ATP7A: variants seen among roughly 807,000 people sequenced by gnomAD.
ATP7A encodes ATPase copper transporting alpha.
In ATP7A, 7 loss-of-function variants were observed where a neutral mutation model predicts 83.5. The ratio of observed to expected loss-of-function variants is 0.08; its 90% CI spans 0.05 to 0.16. The LOEUF (loss-of-function observed/expected upper bound fraction) is 0.16, where lower values mean the gene tolerates loss of function less well. Among genes scored for constraint, ATP7A ranks in the 10% least tolerant of loss-of-function variants. The pLI is 1.00. For synonymous variants in ATP7A, 354 were observed against 395.2 expected, an observed-to-expected ratio of 0.90 and a Z score of 1.24; for missense variants, 940 against 1,120.8, an observed-to-expected ratio of 0.84 and a Z score of 2.30.
In ATP7A at chrX:78,014,732, A is replaced by C. The variant is rs782142478; in HGVS notation, c.2477A>C (p.Asp826Ala). Residue 826 changes from aspartate (D) to alanine (A), a missense_variant, in exon 11 of 23, where the codon GAT becomes GCT. This residue lies in a region of ATP7A where 204 missense variants were observed against 185.8 expected (regional missense o/e 1.10). Coordinates refer to ENST00000341514, the MANE Select transcript of ATP7A (RefSeq NM_000052.7). The stretch of plus-strand genomic sequence containing the variant: ...ACAGAAGCAACTATTGTAACTCTTG[A>C]TTCTGATAATATCCTCCTCAGGTAT... ...QATEATIVTL[D>A]SDNILLSEEQ... 8.3e-7 allele frequency: 1 copy of C among 1,199,505 alleles called. No individual in the cohort carries two copies. The highest frequency in any genetic ancestry group is 1.1e-6 in the Non-Finnish European group (1 of 885,128).
At chrX:77,983,110 C>T (rs1367554657) in intron 2 of ATP7A, among the ~76,000 whole-genome samples, 1 of 111,566 alleles carries the variant, frequency 9.0e-6, no homozygotes, top group Admixed American at 9.6e-5. Flanking sequence ...ACCTAATCAC[C>T]TCTCAAAGGC....
chrX:77,955,303 AT>A (rs1473558635), intron 1 of ATP7A, among the ~76,000 whole-genome samples: 2 of 111,342 alleles, frequency 1.8e-5, no homozygotes, highest in African/African-American at 6.5e-5. Context: ...ATTCATAAGC[AT>A]TGTTTTCTTT....
At chrX:78,029,483 C>A (rs372593597) in intron 15 of ATP7A, 39 bp downstream of exon 15, 31 of 1,121,048 alleles carry the variant, frequency 2.8e-5, no homozygotes, top group Non-Finnish European at 3.7e-5. Flanking sequence ...TACCACCAAA[C>A]TATCAATAGC....
At chrX:77,914,564 T>G (rs2077175707) in intron 1 of ATP7A, among the ~76,000 whole-genome samples, 1 of 110,951 alleles carries the variant, frequency 9.0e-6, no homozygotes, top group African/African-American at 3.3e-5. Context: ...CACACTTGGT[T>G]AGTTTTTGTA....
intron 1 of ATP7A, among the ~76,000 whole-genome samples, chrX:77,931,594 G>A (rs1410596421): frequency 1.4e-4 from 16 of 110,917 alleles, no homozygotes; most frequent in African/African-American, 5.2e-4. Flanking sequence ...GGGCGGCCGG[G>A]CAGAGGCGCC....
intron 1 of ATP7A, among the ~76,000 whole-genome samples, chrX:77,930,931 A>C (rs886572244): frequency 9.5e-6 from 1 of 105,793 alleles, no homozygotes; most frequent in Non-Finnish European, 1.9e-5. Flanking sequence ...CCCACAGAAG[A>C]CACCTTTCCC....
intron 4 of ATP7A, among the ~76,000 whole-genome samples, chrX:77,994,448 AC>A (rs782332420): frequency 3.6e-5 from 4 of 111,914 alleles, no homozygotes; most frequent in African/African-American, 1.3e-4. Flanking sequence ...AGCTGATCAA[AC>A]TAGTAAATGG....
At chrX:77,913,944 T>A (rs1311466581) in intron 1 of ATP7A, among the ~76,000 whole-genome samples, 1 of 112,973 alleles carries the variant, frequency 8.9e-6, no homozygotes, top group Non-Finnish European at 1.9e-5. Flanking sequence ...AGTGCATTTT[T>A]AACAATTTAC....
intron 1 of ATP7A, among the ~76,000 whole-genome samples, chrX:77,958,447 T>C (rs187926754): frequency 9.0e-6 from 1 of 111,653 alleles, no homozygotes; most frequent in Non-Finnish European, 1.9e-5. Flanking sequence ...TTCTGTTCCA[T>C]TGTGTATGTG....
At chrX:77,932,302 C>T (rs1461609175) in intron 1 of ATP7A, among the ~76,000 whole-genome samples, 31 of 82,664 alleles carry the variant, frequency 3.8e-4, no homozygotes, top group East Asian at 8.8e-4. Flanking sequence ...ACATCTCAGA[C>T]GATGGGCGGC....
intron 5 of ATP7A, among the ~76,000 whole-genome samples, chrX:77,998,960 T>C (rs1557232855): frequency 9.0e-6 from 1 of 110,765 alleles, no homozygotes; most frequent in African/African-American, 3.3e-5. Flanking sequence ...CTATTTTTTA[T>C]AGATCAATCA....
intron 2 of ATP7A, among the ~76,000 whole-genome samples, chrX:77,985,772 C>T (rs2077633302): frequency 9.0e-6 from 1 of 110,884 alleles, no homozygotes; most frequent in Non-Finnish European, 1.9e-5. Flanking sequence ...ACCAACACAA[C>T]CAGGACATAG....
chrX:77,974,589 T>C (rs1557230054), intron 2 of ATP7A, among the ~76,000 whole-genome samples: 1 of 111,657 alleles, frequency 9.0e-6, no homozygotes, highest in Non-Finnish European at 1.9e-5. Context: ...AGCATTGTGT[T>C]AGTTGTAGAG....
At chrX:77,950,822 G>A (rs2149060484) in intron 1 of ATP7A, among the ~76,000 whole-genome samples, 1 of 110,817 alleles carries the variant, frequency 9.0e-6, no homozygotes, top group South Asian at 3.8e-4. Flanking sequence ...AGGAGATCGA[G>A]ACCATCCTGG....
chrX:77,958,949 C>T (rs1324467468), intron 1 of ATP7A, among the ~76,000 whole-genome samples: 1 of 109,040 alleles, frequency 9.2e-6, no homozygotes, highest in Non-Finnish European at 1.9e-5. Flanking sequence ...CCATCACACT[C>T]AGCTAATTTT....
At chrX:77,934,383 A>G (rs2077308029) in intron 1 of ATP7A, among the ~76,000 whole-genome samples, 1 of 111,528 alleles carries the variant, frequency 9.0e-6, no homozygotes, top group Non-Finnish European at 1.9e-5. Flanking sequence ...ACACCACTGT[A>G]CTCTAGCCTG....
At chrX:77,956,726 C>CCTCT (rs2077442952) in intron 1 of ATP7A, among the ~76,000 whole-genome samples, 1 of 73,772 alleles carries the variant, frequency 1.4e-5, no homozygotes, top group African/African-American at 5.1e-5. Context: ...TACCCAGTCT[C>CCTCT]CTTTCTTTCT....
intron 1 of ATP7A, among the ~76,000 whole-genome samples, chrX:77,949,386 A>G (rs993065007): frequency 9.0e-6 from 1 of 111,629 alleles, no homozygotes; most frequent in East Asian, 2.8e-4. Flanking sequence ...ATTACCCCCC[A>G]ATCTCTTAAA....
intron 1 of ATP7A, among the ~76,000 whole-genome samples, chrX:77,953,179 A>G (rs781949999): frequency 8.9e-6 from 1 of 112,184 alleles, no homozygotes; most frequent in African/African-American, 3.2e-5. Context: ...TTTTGGCACT[A>G]TTTTGTCTTA....
Sources: allele counts gnomAD v4.1 joint callset (sites outside exome capture counted in the v4.1 genomes callset), GRCh38; gene constraint gnomAD v4.1.1; regional missense constraint gnomAD v4.1.1; transcripts MANE v1.5; gene names NCBI Gene and HGNC (gene_info 2026-07-23, HGNC 2026-07-21).